MCPH1: variants seen among roughly 807,000 people sequenced by gnomAD.
The protein encoded by MCPH1 is microcephalin.
MCPH1 carries 104 observed loss-of-function variants against 84.5 expected under a neutral mutation model. That is an observed-to-expected ratio of 1.23 (90% confidence interval 1.05 to 1.45). The LOEUF (loss-of-function observed/expected upper bound fraction) is 1.45. Ranked by LOEUF, MCPH1 falls within the 40% of genes most tolerant of loss-of-function variation. MCPH1 has a pLI of 0.00. For missense variants in MCPH1, 1,498 were observed against 1,005.7 expected, an observed-to-expected ratio of 1.49 and a Z score of -6.62; for synonymous variants, 514 against 366.8, an observed-to-expected ratio of 1.40 and a Z score of -4.58.
intron 12 of MCPH1, among the ~76,000 whole-genome samples, chr8:6,595,422 A>AGTTAAAAGAAGGTGAATG (rs1828842710): frequency 6.6e-6 from 1 of 152,184 alleles, no homozygotes; most frequent in Non-Finnish European, 1.5e-5. Context: ...AGAGATCAGG[A>AGTTAAAAGAAGGTGAATG]AGTTGGCCAA....
Position 6,589,885 on chromosome 8 carries a change from A to T in MCPH1, c.2215-31569A>T, listed in dbSNP as rs574627497. Among the ~76,000 whole-genome samples, 9 of 152,324 alleles carry T rather than the reference A, an allele frequency of 5.9e-5. No homozygotes were observed. In the South Asian group the frequency reaches 1.7e-3, roughly 28 times the overall value. On this transcript the variant is annotated intron_variant, in intron 12 of 13. Transcript: ENST00000344683. The stretch of plus-strand genomic sequence containing the variant: ...AGAATATATCAGATAATTCTGCAGA[A>T]CTCTTATTATGGAAATGAAAATAAT...
chr8:6,638,560 A>G (rs990391189), intron 13 of MCPH1, among the ~76,000 whole-genome samples: 1 of 151,644 alleles, frequency 6.6e-6, no homozygotes, highest in African/African-American at 2.4e-5. Flanking sequence ...AGACCTGCTA[A>G]ATACTGTTGC....
intron 6 of MCPH1, among the ~76,000 whole-genome samples, chr8:6,440,503 G>C (rs1000385042): frequency 2.0e-5 from 3 of 152,124 alleles, no homozygotes; most frequent in African/African-American, 7.2e-5. Flanking sequence ...AGGAATACAG[G>C]TGTGTGCCAC....
chr8:6,617,879 C>T (rs1473885269), intron 12 of MCPH1, among the ~76,000 whole-genome samples: 2 of 119,888 alleles, frequency 1.7e-5, no homozygotes, highest in Admixed American at 8.6e-5. Flanking sequence ...GTCTATCATC[C>T]ATCTATCTAT....
At chr8:6,415,218 G>C (rs1005273741) in intron 3 of MCPH1, among the ~76,000 whole-genome samples, 1 of 151,862 alleles carries the variant, frequency 6.6e-6, no homozygotes, top group Non-Finnish European at 1.5e-5. Flanking sequence ...TGGGTCGCTT[G>C]AGCAACAGAA....
chr8:6,480,654 C>T (rs771533628), intron 10 of MCPH1, 60 bp from the exon 11 acceptor site: 111 of 1,597,824 alleles, frequency 6.9e-5, no homozygotes, highest in Non-Finnish European at 8.7e-5. Context: ...AGTGTAACTG[C>T]TTTGATGGGC....
intron 12 of MCPH1, among the ~76,000 whole-genome samples, chr8:6,584,014 C>T (rs1327622506): frequency 3.9e-5 from 6 of 152,066 alleles, no homozygotes; most frequent in Admixed American, 1.3e-4. Flanking sequence ...ACCAGTCTGA[C>T]GCACGCATGG....
At chr8:6,469,492 A>C (rs1400859965) in intron 9 of MCPH1, among the ~76,000 whole-genome samples, 3 of 152,188 alleles carry the variant, frequency 2.0e-5, no homozygotes, top group African/African-American at 7.2e-5. Flanking sequence ...TTTATTTTTA[A>C]AAATTTCCTC....
intron 12 of MCPH1, among the ~76,000 whole-genome samples, chr8:6,543,712 A>C (rs187330267): frequency 1.3e-5 from 2 of 152,024 alleles, no homozygotes; most frequent in Non-Finnish European, 2.9e-5. Flanking sequence ...AAGATAATCT[A>C]CCCCTTGTAT....
intron 9 of MCPH1, among the ~76,000 whole-genome samples, chr8:6,465,088 T>C (rs1806708595): frequency 6.6e-6 from 1 of 152,156 alleles, no homozygotes; most frequent in South Asian, 2.1e-4. Context: ...TAGTTACAGC[T>C]GCTAGCTCCT....
intron 11 of MCPH1, among the ~76,000 whole-genome samples, chr8:6,489,952 C>T (rs1255904432): frequency 6.6e-6 from 1 of 152,242 alleles, no homozygotes; most frequent in Non-Finnish European, 1.5e-5. Context: ...CGAGAGGGTA[C>T]TTGTTGCCAC....
rs1457088724 is a variant in MCPH1 at position 6,418,493 on chromosome 8, A to T, written c.233+3610A>T. 2.6e-5 allele frequency among the ~76,000 whole-genome samples: 4 copies of T among 152,264 alleles called. No individual in the cohort carries two copies. In the East Asian group the frequency reaches 7.7e-4, roughly 29 times the overall value. ...GGCATAAACAGAAATGGAACTTAGT[A>T]TGTTATTTTTGAAGCATCTGATGCC... On this transcript the variant is annotated intron_variant, in intron 3 of 13. Transcript: ENST00000344683.
chr8:6,426,527 C>A (rs1453671835), intron 3 of MCPH1, among the ~76,000 whole-genome samples: 1 of 152,198 alleles, frequency 6.6e-6, no homozygotes, highest in Non-Finnish European at 1.5e-5. Flanking sequence ...GGTTTCACTT[C>A]CTTTTATAGC....
chr8:6,626,569 C>T, intron 13 of MCPH1: 2 of 984,078 alleles, frequency 2.0e-6, no homozygotes, highest in Non-Finnish European at 2.4e-6. Context: ...AATTCCCGGC[C>T]CTAGGAAATA....
intron 12 of MCPH1, chr8:6,621,200 A>C: frequency 1.9e-6 from 1 of 539,030 alleles, no homozygotes; most frequent in Non-Finnish European, 3.3e-6. Flanking sequence ...GGAATAATTC[A>C]AAGGCCTACA....
chr8:6,540,968 AG>A (rs1482824766), intron 12 of MCPH1, among the ~76,000 whole-genome samples: 1 of 152,218 alleles, frequency 6.6e-6, no homozygotes, highest in Non-Finnish European at 1.5e-5. Flanking sequence ...TGCTGTCCCC[AG>A]GGGGCAGGTG....
intron 12 of MCPH1, among the ~76,000 whole-genome samples, chr8:6,530,508 CAAAAAAAA>C (rs55729820): frequency 6.1e-5 from 6 of 98,050 alleles, no homozygotes; most frequent in Non-Finnish European, 1.0e-4. Flanking sequence ...GACTCTGTCT[CAAAAAAAA>C]AAAAAAAAAA....
rs561312343 is a variant in MCPH1, at chr8:6,622,135, C to T, written c.2452+444C>T. 289 of 274,996 alleles carry T rather than the reference C, an allele frequency of 1.1e-3. 1 individual carries two copies. The highest frequency in any genetic ancestry group is 5.2e-3 in the African/African-American group (241 of 45,960). The allele number at this position is 274,996 out of a possible 1,614,324, so 17.0% of individuals were successfully genotyped here. ...CTCCCAGGTACATCTCATGATCACTCCGTCTGCTCATGTGCTCAAAGGGTG... is the reference window on the plus strand; with the variant it reads ...CTCCCAGGTACATCTCATGATCACTTCGTCTGCTCATGTGCTCAAAGGGTG... On this transcript the variant is annotated intron_variant, in intron 13 of 13. Transcript: ENST00000344683.
chr8:6,582,481 GATTA>G (rs1381782447), intron 12 of MCPH1, among the ~76,000 whole-genome samples: 1 of 152,168 alleles, frequency 6.6e-6, no homozygotes, highest in African/African-American at 2.4e-5. Context: ...CACAGAATCG[GATTA>G]ATTAGAGTCC....
Sources: allele counts gnomAD v4.1 joint callset (sites outside exome capture counted in the v4.1 genomes callset), GRCh38; gene constraint gnomAD v4.1.1; transcripts MANE v1.5; gene names NCBI Gene and HGNC (gene_info 2026-07-23, HGNC 2026-07-21).